PFKFB4: variants seen among roughly 807,000 people sequenced by gnomAD.
PFKFB4 encodes 6-phosphofructo-2-kinase/fructose-2,6-bisphosphatase 4.
In PFKFB4, 42 loss-of-function variants were observed where a neutral mutation model predicts 62.8. That is an observed-to-expected ratio of 0.67 (90% confidence interval 0.52 to 0.86). PFKFB4 has a LOEUF of 0.86. Ranked by LOEUF, PFKFB4 falls within the 40% of genes least tolerant of loss-of-function variation. The pLI is 0.00. For missense variants in PFKFB4, 475 were observed against 627.2 expected (o/e 0.76, Z 2.59); for synonymous variants, 204 against 240.7 (o/e 0.85, Z 1.41).
rs375121355 is a variant in PFKFB4, at chr3:48,527,881, GT to G, written c.988-2213del. Among the ~76,000 whole-genome samples the G allele has an allele frequency of 2.2e-4, 34 of 151,912 alleles. No individual in the cohort carries two copies. The East Asian group carries it at 4.3e-3, about 19-fold the overall frequency. On this transcript the variant is annotated intron_variant, in intron 9 of 13. Coordinates refer to ENST00000232375, the MANE Select transcript of PFKFB4 (RefSeq NM_004567.4). ...TTTTTGTATTTTTAGTAGAGACGGG[GT>G]TTCGCCATGTTGACCAGGCTGGTCT...
chr3:48,535,639 T>C lies in PFKFB4; in HGVS notation c.860A>G (p.Gln287Arg), dbSNP rs2042577556. 6.2e-7 allele frequency: 1 copy of C among 1,614,052 alleles called. No homozygotes were observed. Among genetic ancestry groups the C allele is most frequent in the African/African-American group, 1.3e-5 (1 of 74,928 alleles). Residue 287 changes from glutamine (Q) to arginine (R), a missense_variant, in exon 9 of 14, where the codon CAG (glutamine) becomes CGG (arginine). Coordinates refer to ENST00000232375, the MANE Select transcript of PFKFB4 (RefSeq NM_004567.4). The stretch of plus-strand genomic sequence containing the variant: ...CTTGATATTTTGGTCACTGATGAAC[T>C]GGGCTAGACTCTTGGCAAACTGAAA... ...RGREFAKSLA[Q>R]FISDQNIKDL...
chr3:48,522,368 C>A (rs1306705132), intron 12 of PFKFB4, among the ~76,000 whole-genome samples: 6 of 152,126 alleles, frequency 3.9e-5, no homozygotes, highest in Admixed American at 3.9e-4. Flanking sequence ...TCTTCAGGGC[C>A]CCCAAACCAC....
At chr3:48,539,381 G>A in intron 5 of PFKFB4, 71 bp from the exon 6 acceptor site, 2 of 1,271,012 alleles carry the variant, frequency 1.6e-6, no homozygotes, top group South Asian at 1.2e-5. Flanking sequence ...CTCCCGCCTT[G>A]CTCCTCGGAG....
chr3:48,545,660 TCTCA>T (rs1479792415), intron 3 of PFKFB4, among the ~76,000 whole-genome samples: 2 of 151,034 alleles, frequency 1.3e-5, no homozygotes, highest in Non-Finnish European at 2.9e-5. Flanking sequence ...AGAGACAGGG[TCTCA>T]CTATGTTCCC....
At chr3:48,555,952 C>A in intron 1 of PFKFB4, 1 of 338,332 alleles carries the variant, frequency 3.0e-6, no homozygotes, top group South Asian at 2.2e-5. Flanking sequence ...CAGGCAGAAA[C>A]TCAAGGAAGC....
rs907008000 is a variant in PFKFB4 at position 48,542,345 on chromosome 3, A to G, written c.378+1235T>C. On this transcript the variant is annotated intron_variant, in intron 4 of 13. Coordinates refer to ENST00000232375, the MANE Select transcript of PFKFB4 (RefSeq NM_004567.4). Reference sequence around the variant, plus strand: ...CGAGACTCCATCTCAAAAAAAAAAAAAAAGAAAGAAAGAAAATTAAGAGAA... The same window carrying G: ...CGAGACTCCATCTCAAAAAAAAAAAGAAAGAAAGAAAGAAAATTAAGAGAA... 1.6e-4 allele frequency among the ~76,000 whole-genome samples: 25 copies of G among 151,940 alleles called. 1 individual carries two copies. Among genetic ancestry groups the G allele is most frequent in the East Asian group, 1.9e-4 (1 of 5,186 alleles).
At chr3:48,559,407 C>A, upstream of PFKFB4, 1 of 413,738 alleles carries the variant, frequency 2.4e-6, no homozygotes, top group South Asian at 1.7e-5. Flanking sequence ...GGTCCAAGAT[C>A]ACAAAGCGAG....
At position 48,533,197 on chromosome 3, in the gene PFKFB4, G is replaced by C. The variant is rs186502636; in HGVS notation, c.987+2315C>G. 3.3e-5 allele frequency among the ~76,000 whole-genome samples: 5 copies of C among 152,268 alleles called. No individual in the cohort carries two copies. In the East Asian group the frequency reaches 9.7e-4, roughly 30 times the overall value. Reference sequence around the variant, plus strand: ...CCCAAGTACCTGGGACTATAGGTGTGAGCCAGCACATCTGGCTTGAGTTAT... The same window carrying C: ...CCCAAGTACCTGGGACTATAGGTGTCAGCCAGCACATCTGGCTTGAGTTAT... On this transcript the variant is annotated intron_variant, in intron 9 of 13. Transcript: ENST00000232375.
chr3:48,536,225 C>T lies in PFKFB4; in HGVS notation c.840+31G>A, dbSNP rs377085288. The stretch of plus-strand genomic sequence containing the variant: ...GCCACGCAGGGTACAAATGCAGGCC[C>T]GTGTGCGCACGCAGGGACACATGCA... On this transcript the variant is annotated intron_variant, in intron 8 of 13. Transcript: ENST00000232375. 3.5e-5 allele frequency: 55 copies of T among 1,589,248 alleles called. 1 individual carries two copies. Among genetic ancestry groups the T allele is most frequent in the Middle Eastern group, 3.9e-4 (2 of 5,192 alleles).
At chr3:48,540,934 G>A (rs1275146735) in intron 4 of PFKFB4, among the ~76,000 whole-genome samples, 3 of 150,532 alleles carry the variant, frequency 2.0e-5, no homozygotes, top group Admixed American at 1.3e-4. Context: ...GTGCCACCAC[G>A]CCTGGCTAAT....
intron 8 of PFKFB4, 40 bp from the exon 9 acceptor site, chr3:48,535,698 G>T: frequency 1.2e-6 from 2 of 1,612,290 alleles, no homozygotes; most frequent in South Asian, 1.1e-5. Flanking sequence ...CACAGGTCTT[G>T]GGCTGCCCTT....
chr3:48,549,386 C>T (rs1260909623), intron 3 of PFKFB4, among the ~76,000 whole-genome samples: 2 of 152,126 alleles, frequency 1.3e-5, no homozygotes, highest in Non-Finnish European at 2.9e-5. Context: ...GCCCCCCACC[C>T]CCAGCTCCAT....
intron 12 of PFKFB4, 134 bp from the exon 13 acceptor site, chr3:48,522,184 A>G (rs2042117157): frequency 3.8e-6 from 3 of 781,604 alleles, no homozygotes; most frequent in Non-Finnish European, 4.4e-6. Flanking sequence ...TAGTTCTTCC[A>G]CTTTAGGCAG....
chr3:48,557,142 C>T (rs1560184886), upstream of PFKFB4: 1 of 293,604 alleles, frequency 3.4e-6, no homozygotes, highest in Non-Finnish European at 5.9e-6. Flanking sequence ...CCTGCCCGCG[C>T]TGATTTGCAT....
chr3:48,522,597 G>C (rs1363996285), intron 12 of PFKFB4, among the ~76,000 whole-genome samples: 1 of 152,088 alleles, frequency 6.6e-6, no homozygotes, highest in Admixed American at 6.6e-5. Context: ...GGCAGGGTGG[G>C]GACTCACACT....
At chr3:48,531,183 C>T (rs1003429434) in intron 9 of PFKFB4, among the ~76,000 whole-genome samples, 1 of 151,854 alleles carries the variant, frequency 6.6e-6, no homozygotes, top group Admixed American at 6.6e-5. Context: ...CTGGGCAACA[C>T]AGCAAGACCA....
At chr3:48,527,281 T>C (rs1164011868) in intron 9 of PFKFB4, among the ~76,000 whole-genome samples, 2 of 146,452 alleles carry the variant, frequency 1.4e-5, no homozygotes, top group African/African-American at 5.1e-5. Context: ...TAACATTTAG[T>C]GGTTTTTTTT....
At chr3:48,549,768 C>G in intron 3 of PFKFB4, 96 bp downstream of exon 3, 2 of 806,518 alleles carry the variant, frequency 2.5e-6, no homozygotes, top group South Asian at 2.9e-5. Context: ...CAGCTCCACT[C>G]CAGGGGCTTC....
rs138593611 is a variant in PFKFB4, at chr3:48,549,842, C to T, written c.311+22G>A. The stretch of plus-strand genomic sequence containing the variant: ...TGGGTCCCCCAGCAACCTCTCCCCC[C>T]ACACCCAACACATATACTTACTTCC... On this transcript the variant is annotated intron_variant, in intron 3 of 13. Coordinates refer to ENST00000232375, the MANE Select transcript of PFKFB4 (RefSeq NM_004567.4). 1.4e-5 allele frequency: 21 copies of T among 1,458,940 alleles called. No homozygotes were observed. The African/African-American group carries it at 1.9e-4, about 14-fold the overall frequency. 90.4% of individuals were successfully genotyped at this position (1,458,940 alleles called of 1,614,324 possible).
Sources: gnomAD v4.1 joint callset for allele counts (sites outside exome capture counted in the v4.1 genomes callset) on GRCh38, gnomAD v4.1.1 for gene constraint, MANE v1.5 for transcripts, NCBI Gene and HGNC (gene_info 2026-07-23, HGNC 2026-07-21) for gene names.